The following DSCAM variants were observed in gnomAD, a reference collection of about 807,000 sequenced individuals.
The protein encoded by DSCAM is cell adhesion molecule DSCAM.
A neutral mutation model predicts 217.7 loss-of-function variants in DSCAM; 47 were observed. That is an observed-to-expected ratio of 0.22 (90% CI 0.17 to 0.28). The LOEUF (loss-of-function observed/expected upper bound fraction) is 0.28, where lower values mean the gene tolerates loss of function less well. DSCAM is among the 10% of genes least tolerant of loss of function. DSCAM has a pLI of 1.00. For missense variants in DSCAM, 2,080 were observed against 2,618.3 expected (o/e 0.79, Z 4.49); for synonymous variants, 1,056 against 1,015.3 (o/e 1.04, Z -0.76).
chr21:40,817,897 C>A (rs1219581559), intron 1 of DSCAM, among the ~76,000 whole-genome samples: 1 of 149,760 alleles, frequency 6.7e-6, no homozygotes, highest in Non-Finnish European at 1.5e-5. Context: ...GAGATCGAGA[C>A]CATCCTGGCT....
intron 20 of DSCAM, among the ~76,000 whole-genome samples, chr21:40,112,349 AGAT>A (rs913737220): frequency 6.6e-5 from 10 of 152,110 alleles, no homozygotes; most frequent in African/African-American, 2.4e-4. Flanking sequence ...GCAGAAATAA[AGAT>A]GTTCCTTGAA....
intron 3 of DSCAM, among the ~76,000 whole-genome samples, chr21:40,545,432 T>G (rs1435565320): frequency 6.6e-6 from 1 of 152,176 alleles, no homozygotes; most frequent in East Asian, 1.9e-4. Context: ...TTTACATATA[T>G]TCACTCTTCC....
rs372609154 is a variant in DSCAM, at chr21:40,615,104, G to A, written c.508+77706C>T. Reference sequence around the variant, plus strand: ...AGATCACCTAAGGTCAGAAGTTTGAGACCAGCCTGACCAACATGGCGAAAC... The same window carrying A: ...AGATCACCTAAGGTCAGAAGTTTGAAACCAGCCTGACCAACATGGCGAAAC... On this transcript the variant is annotated intron_variant, in intron 3 of 32. Transcript: ENST00000400454. Among the ~76,000 whole-genome samples the A allele has an allele frequency of 7.3e-5, 11 of 151,568 alleles. No homozygotes were observed. The East Asian group carries it at 2.1e-3, about 29-fold the overall frequency.
At chr21:40,814,893 T>C (rs532897218) in intron 1 of DSCAM, among the ~76,000 whole-genome samples, 1 of 152,342 alleles carries the variant, frequency 6.6e-6, no homozygotes, top group East Asian at 1.9e-4. Flanking sequence ...GATCTTGTAT[T>C]CTTATTCATG....
chr21:40,639,978 G>A (rs889062985), intron 3 of DSCAM, among the ~76,000 whole-genome samples: 3 of 152,156 alleles, frequency 2.0e-5, no homozygotes, highest in African/African-American at 4.8e-5. Context: ...GTTAAGCACC[G>A]ACTTGCTAAT....
intron 11 of DSCAM, among the ~76,000 whole-genome samples, chr21:40,271,887 C>T (rs890424670): frequency 6.6e-6 from 1 of 152,140 alleles, no homozygotes; most frequent in Non-Finnish European, 1.5e-5. Flanking sequence ...TTTTCCTCTG[C>T]CCCTTTTGTT....
rs2089845110 is a variant in DSCAM, at chr21:40,108,114, C to G, written c.3697-14240G>C. 1.3e-5 allele frequency among the ~76,000 whole-genome samples: 2 copies of G among 152,136 alleles called. 1 individual carries two copies. The highest frequency in any genetic ancestry group is 4.2e-4 in the South Asian group (2 of 4,814). On this transcript the variant is annotated intron_variant, in intron 20 of 32. Coordinates refer to ENST00000400454, the MANE Select transcript of DSCAM (RefSeq NM_001389.5). ...TGAAAACTGGCACAAGACAAGGATG[C>G]CCTCTCTCACCACTCCTACTCAACA...
At chr21:40,702,260 A>T (rs918387751) in intron 2 of DSCAM, among the ~76,000 whole-genome samples, 7 of 152,176 alleles carry the variant, frequency 4.6e-5, no homozygotes, top group African/African-American at 7.2e-5. Flanking sequence ...ACCTGCCATT[A>T]TGCATACAAC....
intron 11 of DSCAM, among the ~76,000 whole-genome samples, chr21:40,275,218 T>C (rs755537617): frequency 2.0e-5 from 3 of 151,804 alleles, no homozygotes; most frequent in Non-Finnish European, 4.4e-5. Flanking sequence ...TAGTCTTAGC[T>C]ACTAAGAAAG....
At chr21:40,647,153 T>G (rs1188715924) in intron 3 of DSCAM, among the ~76,000 whole-genome samples, 1 of 152,216 alleles carries the variant, frequency 6.6e-6, no homozygotes, top group Admixed American at 6.5e-5. Flanking sequence ...GTTGTTAAAG[T>G]TCAGAAGACC....
chr21:40,424,258 G>T (rs988755775), intron 3 of DSCAM, among the ~76,000 whole-genome samples: 1 of 152,124 alleles, frequency 6.6e-6, no homozygotes, highest in South Asian at 2.1e-4. Context: ...TCAAAACATG[G>T]CTTTACTTGG....
At chr21:40,183,135 CAA>C (rs953922281) in intron 14 of DSCAM, among the ~76,000 whole-genome samples, 1 of 148,354 alleles carries the variant, frequency 6.7e-6, no homozygotes. Flanking sequence ...GGAGAGGCAA[CAA>C]GAGAACCTGC....
intron 1 of DSCAM, among the ~76,000 whole-genome samples, chr21:40,747,500 A>C (rs1179787947): frequency 6.6e-6 from 1 of 151,880 alleles, no homozygotes; most frequent in African/African-American, 2.4e-5. Flanking sequence ...GCAAGATTAA[A>C]TCATGAAGAA....
chr21:40,780,421 G>GTATA (rs1490666344), intron 1 of DSCAM, among the ~76,000 whole-genome samples: 7 of 48,040 alleles, frequency 1.5e-4, no homozygotes, highest in East Asian at 1.4e-3. Flanking sequence ...GTGTGTGTGT[G>GTATA]TGTATATATA....
chr21:40,037,141 A>G (rs1348585316), intron 32 of DSCAM, among the ~76,000 whole-genome samples: 3 of 149,846 alleles, frequency 2.0e-5, no homozygotes. Context: ...CTCCTATTCA[A>G]CATAGTGTTG....
At chr21:40,743,827 A>C (rs983690170) in intron 1 of DSCAM, among the ~76,000 whole-genome samples, 41 of 152,166 alleles carry the variant, frequency 2.7e-4, no homozygotes, top group Admixed American at 1.3e-3. Context: ...TCTGCTGACC[A>C]ATAGATCTAA....
At chr21:40,385,930 C>G (rs1272480319) in intron 3 of DSCAM, among the ~76,000 whole-genome samples, 1 of 152,118 alleles carries the variant, frequency 6.6e-6, no homozygotes, top group East Asian at 1.9e-4. Context: ...GTATCTTTGG[C>G]CAATGGGATT....
intron 1 of DSCAM, among the ~76,000 whole-genome samples, chr21:40,825,761 G>C (rs1445053037): frequency 6.6e-6 from 1 of 152,038 alleles, no homozygotes; most frequent in African/African-American, 2.4e-5. Flanking sequence ...ATGGGTGCGT[G>C]AGAGTTGAGA....
At chr21:40,057,964 C>G (rs1339654100) in intron 28 of DSCAM, among the ~76,000 whole-genome samples, 4 of 151,358 alleles carry the variant, frequency 2.6e-5, no homozygotes, top group Non-Finnish European at 5.9e-5. Context: ...CAAGCTCCGC[C>G]TCCCAGGTTC....
Sources: allele counts gnomAD v4.1 joint callset (sites outside exome capture counted in the v4.1 genomes callset), GRCh38; gene constraint gnomAD v4.1.1; transcripts MANE v1.5; gene names NCBI Gene and HGNC (gene_info 2026-07-23, HGNC 2026-07-21).